Variants in CARD10 observed in about 807,000 individuals in gnomAD.
The protein encoded by CARD10 is caspase recruitment domain-containing protein 10.
CARD10 carries 49 observed loss-of-function variants against 114.6 expected under a neutral mutation model. The observed-to-expected ratio is 0.43, with a 90% CI of 0.34 to 0.54. The LOEUF is 0.54. Among genes scored for constraint, CARD10 ranks in the 20% least tolerant of loss-of-function variants. CARD10 has a pLI of 0.03. For missense variants in CARD10, 1,206 were observed against 1,397.2 expected (o/e 0.86, Z 2.18); for synonymous variants, 602 against 593.2 (o/e 1.01, Z -0.21).
At chr22:37,511,556 A>T (rs1158055204) in intron 3 of CARD10, among the ~76,000 whole-genome samples, 1 of 147,014 alleles carries the variant, frequency 6.8e-6, no homozygotes, top group Admixed American at 6.8e-5. Context: ...AAAAAAAAAC[A>T]GGGTCAGACC....
chr22:37,506,414 A>G (rs200527624), intron 6 of CARD10, 31 bp from the exon 7 acceptor site: 2 of 1,507,080 alleles, frequency 1.3e-6, no homozygotes, highest in East Asian at 5.0e-5. Context: ...GCAGCAGCTG[A>G]AGGAGCCACC....
rs746583524 is a variant in CARD10 at position 37,506,296 on chromosome 22, C to G, written c.1279G>C (p.Glu427Gln). 1.1e-5 allele frequency: 18 copies of G among 1,611,034 alleles called. No individual in the cohort carries two copies. The highest frequency in any genetic ancestry group is 1.4e-5 in the Non-Finnish European group (17 of 1,178,648). Reference protein sequence around the residue: ...DQYRKQVRGLEAERDELLTTL... With the variant: ...DQYRKQVRGLQAERDELLTTL... ...GTCAGCAGCTCATCCCGCTCCGCCT[C>G]CAGGCCCCGCACCTGCTTGCGGTAC... The change falls in exon 7 of 20, where the codon GAG (glutamate) becomes CAG (glutamine). Residue 427 changes from glutamate to glutamine, a missense_variant. Physicochemically the swap from Glu to Gln is conservative, Grantham distance 29. Around this residue, in one of 2 missense-constraint regions of CARD10, gnomAD observed 1,068 missense variants for 1,179.1 expected, o/e 0.91. Transcript: ENST00000251973.
chr22:37,511,274 T>C (rs1294745479), intron 3 of CARD10, among the ~76,000 whole-genome samples: 2 of 148,896 alleles, frequency 1.3e-5, no homozygotes, highest in African/African-American at 5.0e-5. Context: ...GGAGAATCAC[T>C]TGAGCTTTGG....
At position 37,518,652 on chromosome 22, in the gene CARD10, T is replaced by G. The variant is rs1319829253; in HGVS notation, c.235+314A>C. Among the ~76,000 whole-genome samples, 3 of 152,194 alleles carry G rather than the reference T, an allele frequency of 2.0e-5. No individual in the cohort carries two copies. In the East Asian group the frequency reaches 5.8e-4, roughly 29 times the overall value. On this transcript the variant is annotated intron_variant, in intron 1 of 19. Transcript: ENST00000251973. ...CAGGAAAGGTGCCAAGTCCACCGGC[T>G]GTGACCGGGAGGTCCCAGGCCCAGC...
chr22:37,509,491 C>T (rs1177856325), intron 4 of CARD10, among the ~76,000 whole-genome samples: 1 of 152,102 alleles, frequency 6.6e-6, no homozygotes, highest in Non-Finnish European at 1.5e-5. Context: ...ATCCAGATCT[C>T]AGATCCCTGG....
chr22:37,508,808 G>T, intron 4 of CARD10, 126 bp from the exon 5 acceptor site: 2 of 1,255,538 alleles, frequency 1.6e-6, no homozygotes, highest in Non-Finnish European at 2.2e-6. Flanking sequence ...TGCTGGCCCG[G>T]GGCCTCGACC....
intron 11 of CARD10, among the ~76,000 whole-genome samples, chr22:37,497,562 C>G (rs115115136): frequency 0.015 from 2,227 of 152,230 alleles, 71 homozygotes; most frequent in African/African-American, 0.051. Flanking sequence ...TAGCAGATGA[C>G]TAATAAAAGC....
chr22:37,500,737 C>T (rs1285572929), intron 11 of CARD10, among the ~76,000 whole-genome samples: 1 of 152,216 alleles, frequency 6.6e-6, no homozygotes, highest in East Asian at 1.9e-4. Flanking sequence ...TTCTAACTGT[C>T]TCTGTACTTC....
Position 37,496,896 on chromosome 22 carries a change from C to T in CARD10, c.1947+123G>A, listed in dbSNP as rs867630012. On this transcript the variant is annotated intron_variant, in intron 12 of 19. Transcript: ENST00000251973. This position sits in a 1 kb window ranked among gnomAD's most constrained non-coding sequence, Gnocchi z 4.1. The stretch of plus-strand genomic sequence containing the variant: ...GGCAACCACAGCTAATCACTGAGCC[C>T]GCTTCGGCTTTGACCAATCCCCAGA... 5 of 1,191,662 alleles carry T rather than the reference C, an allele frequency of 4.2e-6. No individual in the cohort carries two copies. The highest frequency in any genetic ancestry group is 2.8e-4 in the Middle Eastern group (1 of 3,604). The allele number at this position is 1,191,662 out of a possible 1,614,324, so 73.8% of individuals were successfully genotyped here.
At chr22:37,504,116 G>T in intron 9 of CARD10, 70 bp downstream of exon 9, 1 of 1,085,216 alleles carries the variant, frequency 9.2e-7, no homozygotes, top group Middle Eastern at 2.0e-4. Flanking sequence ...TGCAGATTCT[G>T]GGAGGTGGCT....
chr22:37,496,031 AAGG>A lies in CARD10; in HGVS notation c.2060-31_2060-29del. ...GGGCATGGATGGGGCAGGGGGCAGC[AAGG>A]AGGACAAGAGGAGGATGGTGAGGTC... On this transcript the variant is annotated intron_variant, in intron 13 of 19. Coordinates refer to ENST00000251973, the MANE Select transcript of CARD10 (RefSeq NM_014550.4). This position sits in a 1 kb window ranked among gnomAD's most constrained non-coding sequence, Gnocchi z 4.1. 2.5e-6 allele frequency: 4 copies of A among 1,609,878 alleles called. No homozygotes were observed. The highest frequency in any genetic ancestry group is 3.4e-6 in the Non-Finnish European group (4 of 1,177,366).
Position 37,519,391 on chromosome 22 carries a change from G to A in CARD10, c.-191C>T, listed in dbSNP as rs1009708268. 13 of 1,202,596 alleles carry A rather than the reference G, an allele frequency of 1.1e-5. No homozygotes were observed. Among genetic ancestry groups the A allele is most frequent in the Non-Finnish European group, 1.3e-5 (13 of 969,802 alleles). 74.5% of individuals were successfully genotyped at this position (1,202,596 alleles called of 1,614,324 possible). On this transcript the variant is annotated 5_prime_UTR_variant, in exon 1 of 20. Transcript: ENST00000251973. The surrounding 1 kb of genome is among the most constrained non-coding windows in gnomAD (Gnocchi z 4.1). Reference sequence around the variant, plus strand: ...GCTCCCGGGTCCGCACTCGGGCGGCGGCTCCGCCGGCGCAGGGGGGCGGTG... The same window carrying A: ...GCTCCCGGGTCCGCACTCGGGCGGCAGCTCCGCCGGCGCAGGGGGGCGGTG...
chr22:37,495,722 CA>C (rs1601808797), intron 14 of CARD10, 37 bp downstream of exon 14: 1 of 1,612,376 alleles, frequency 6.2e-7, no homozygotes. Flanking sequence ...CCCTGGCTCC[CA>C]GGGGGACCCC....
rs751526840 is a variant in CARD10, at chr22:37,519,219, T to C, written c.-19A>G. On this transcript the variant is annotated 5_prime_UTR_variant, in exon 1 of 20. Transcript: ENST00000251973. The surrounding 1 kb of genome is among the most constrained non-coding windows in gnomAD (Gnocchi z 4.1). ...CCGGCATGGCCGTGTCCTCAGGGTC[T>C]GCGGGCAAGAGGCGCACGGGGGTCG... 42 of 1,498,970 alleles carry C rather than the reference T, an allele frequency of 2.8e-5. No homozygotes were observed. Among genetic ancestry groups the C allele is most frequent in the Non-Finnish European group, 2.0e-5 (22 of 1,127,284 alleles). 92.9% of individuals were successfully genotyped at this position (1,498,970 alleles called of 1,614,324 possible). A position where few individuals can be genotyped will look rare whatever the true frequency, so the allele number is the denominator to read the frequency against.
chr22:37,516,225 GC>G lies in CARD10; in HGVS notation c.446del (p.Ser149ThrfsTer60), dbSNP rs746608538. Reference protein sequence around the residue: ...EVRRLREARKSQLQREQQLQA... With the variant: ...EVRRLREARKXQLQREQQLQA... ...GCAGTTGCTGCTCCCGCTGCAGCTGGCTCTTGCGAGCTTCCCGCAGCCGTCG... is the reference window on the plus strand; with the variant it reads ...GCAGTTGCTGCTCCCGCTGCAGCTGGTCTTGCGAGCTTCCCGCAGCCGTCG... On this transcript the variant is annotated frameshift_variant, in exon 3 of 20. Transcript: ENST00000251973. LOFTEE classifies it high-confidence loss of function. The G allele has an allele frequency of 6.2e-7, 1 of 1,603,756 alleles. No homozygotes were observed. The highest frequency in any genetic ancestry group is 8.5e-7 in the Non-Finnish European group (1 of 1,176,452).
At position 37,518,092 on chromosome 22, in the gene CARD10, G is replaced by C. The variant is rs1037851847; in HGVS notation, c.252C>G (p.Ile84Met). The C allele has an allele frequency of 2.5e-6, 4 of 1,613,788 alleles. No homozygotes were observed. The highest frequency in any genetic ancestry group is 1.7e-5 in the Admixed American group (1 of 60,006). The change falls in exon 2 of 20, where the codon ATC becomes ATG. Residue 84 changes from isoleucine (I) to methionine (M), a missense_variant. Coordinates refer to ENST00000251973, the MANE Select transcript of CARD10 (RefSeq NM_014550.4). ...RVNRTGRLMD[I>M]LRCRGKRGYE... ...AGCCCCTCTTGCCACGGCAGCGCAA[G>C]ATGTCCATCAGGCGCCCTACAGAGT...
In CARD10 at chr22:37,496,962, T is replaced by C; in HGVS notation, c.1947+57A>G. 2 of 1,519,328 alleles carry C rather than the reference T, an allele frequency of 1.3e-6. No individual in the cohort carries two copies. The highest frequency in any genetic ancestry group is 1.8e-6 in the Non-Finnish European group (2 of 1,133,306). 94.1% of individuals were successfully genotyped at this position (1,519,328 alleles called of 1,614,324 possible). ...TCTTGATCCACCAAATTAAGGGATG[T>C]CCAGCCTGGGCAAAAGCACTGACCC... On this transcript the variant is annotated intron_variant, in intron 12 of 19. Transcript: ENST00000251973. This position sits in a 1 kb window ranked among gnomAD's most constrained non-coding sequence, Gnocchi z 4.1.
chr22:37,508,158 T>C (rs1923478966), intron 5 of CARD10, among the ~76,000 whole-genome samples: 1 of 152,116 alleles, frequency 6.6e-6, no homozygotes, highest in African/African-American at 2.4e-5. Flanking sequence ...ACGAGAAGAA[T>C]GATCATCATT....
intron 3 of CARD10, among the ~76,000 whole-genome samples, chr22:37,511,445 A>G (rs1386703367): frequency 4.4e-5 from 6 of 135,200 alleles, no homozygotes; most frequent in Non-Finnish European, 9.5e-5. Context: ...GTAGAAGGAG[A>G]AGGAGGAGGA....
Sources: gnomAD v4.1 joint callset for allele counts (sites outside exome capture counted in the v4.1 genomes callset) on GRCh38, gnomAD v4.1.1 for gene constraint, gnomAD v4.1.1 regional missense constraint, Gnocchi (gnomAD v3.1) non-coding constraint, MANE v1.5 for transcripts, NCBI Gene and HGNC (gene_info 2026-07-23, HGNC 2026-07-21) for gene names.